Variants in CNTLN observed in about 807,000 individuals in gnomAD.
CNTLN encodes centlein, also known as centlein, centrosomal protein.
In CNTLN, 212 loss-of-function variants were observed where a neutral mutation model predicts 180.0. The ratio of observed to expected loss-of-function variants is 1.18; its 90% CI spans 1.05 to 1.32. The LOEUF (loss-of-function observed/expected upper bound fraction) is 1.32. Ranked by LOEUF, CNTLN falls within the 40% of genes most tolerant of loss-of-function variation. The pLI, the probability that CNTLN is intolerant of heterozygous loss-of-function variation, is 0.00. For synonymous variants in CNTLN, 722 were observed against 563.1 expected (o/e 1.28, Z -3.99); for missense variants, 2,095 against 1,610.9 (o/e 1.30, Z -5.14).
intron 2 of CNTLN, among the ~76,000 whole-genome samples, chr9:17,160,965 A>T (rs1819635932): frequency 6.6e-6 from 1 of 152,184 alleles, no homozygotes; most frequent in African/African-American, 2.4e-5. Flanking sequence ...CTCTGCATTT[A>T]GCTATTAAAG....
At chr9:17,463,049 G>C in intron 20 of CNTLN, 36 bp downstream of exon 20, 2 of 1,291,054 alleles carry the variant, frequency 1.5e-6, no homozygotes, top group Non-Finnish European at 2.2e-6. Flanking sequence ...TGTATTTGGT[G>C]CCACCTAGTG....
intron 2 of CNTLN, among the ~76,000 whole-genome samples, chr9:17,219,773 C>T (rs1437949481): frequency 1.3e-5 from 2 of 152,006 alleles, no homozygotes; most frequent in Non-Finnish European, 2.9e-5. Flanking sequence ...AAATAACAAA[C>T]ATTTATTCTC....
At position 17,457,745 on chromosome 9, in the gene CNTLN, C is replaced by T. The variant is rs532386350; in HGVS notation, c.3306+30C>T. On this transcript the variant is annotated intron_variant, in intron 19 of 25. Coordinates refer to ENST00000380647, the MANE Select transcript of CNTLN (RefSeq NM_017738.4). The stretch of plus-strand genomic sequence containing the variant: ...TTATAAAATTTATTAAGCATGAAAA[C>T]ATACATTATGCTTGAATCCTGCAAG... 6 of 1,287,598 alleles carry T rather than the reference C, an allele frequency of 4.7e-6. No individual in the cohort carries two copies. The South Asian group carries it at 9.5e-5, about 20-fold the overall frequency. The allele number at this position is 1,287,598 out of a possible 1,614,324, so 79.8% of individuals were successfully genotyped here.
chr9:17,365,953 C>T (rs1205494081), intron 12 of CNTLN, among the ~76,000 whole-genome samples: 1 of 152,002 alleles, frequency 6.6e-6, no homozygotes, highest in Non-Finnish European at 1.5e-5. Context: ...CTAAAAACAA[C>T]CAAGAAGTGG....
chr9:17,157,190 C>T (rs1819356753), intron 2 of CNTLN, among the ~76,000 whole-genome samples: 1 of 152,178 alleles, frequency 6.6e-6, no homozygotes, highest in African/African-American at 2.4e-5. Flanking sequence ...ACCATTTGGC[C>T]TGAATCCCCA....
intron 5 of CNTLN, among the ~76,000 whole-genome samples, chr9:17,270,168 C>G (rs976781833): frequency 6.6e-6 from 1 of 151,822 alleles, no homozygotes. Flanking sequence ...CCTAAAATCC[C>G]CAGGACAATT....
At chr9:17,135,974 GTACTTGTTTAT>G (rs1817688518) in intron 1 of CNTLN, among the ~76,000 whole-genome samples, 1 of 151,946 alleles carries the variant, frequency 6.6e-6, no homozygotes, top group Admixed American at 6.5e-5. Context: ...ATGATGCTTG[GTACTTGTTTAT>G]TAACCAGCTA....
downstream of CNTLN, among the ~76,000 whole-genome samples, chr9:17,506,198 A>G (rs1833929624): frequency 6.6e-6 from 1 of 152,152 alleles, no homozygotes; most frequent in Admixed American, 6.6e-5. Context: ...GAAAATCTTC[A>G]GGACCTCAGA....
intron 6 of CNTLN, among the ~76,000 whole-genome samples, chr9:17,280,988 A>T (rs1367157382): frequency 6.6e-6 from 1 of 152,204 alleles, no homozygotes; most frequent in East Asian, 1.9e-4. Context: ...AAGATGCATA[A>T]GACACATATT....
intron 12 of CNTLN, among the ~76,000 whole-genome samples, chr9:17,359,737 A>AAACAAAAAAAAAAACC (rs1564027314): frequency 2.5e-5 from 3 of 118,322 alleles, no homozygotes; most frequent in African/African-American, 8.9e-5. Flanking sequence ...AAAAAAAAAA[A>AAACAAAAAAAAAAACC]AAAAAAAAAA....
intron 13 of CNTLN, among the ~76,000 whole-genome samples, chr9:17,379,724 A>G (rs1825071069): frequency 1.3e-5 from 2 of 151,964 alleles, no homozygotes; most frequent in African/African-American, 4.8e-5. Context: ...AAATCCCAAA[A>G]CTTTTTCCAT....
chr9:17,345,841 G>A (rs1821840057), intron 12 of CNTLN, among the ~76,000 whole-genome samples: 1 of 152,068 alleles, frequency 6.6e-6, no homozygotes, highest in South Asian at 2.1e-4. Context: ...AAATATAATA[G>A]AGGTATTGTT....
intron 5 of CNTLN, among the ~76,000 whole-genome samples, chr9:17,253,760 TG>T (rs1219206135): frequency 8.9e-6 from 1 of 112,446 alleles, no homozygotes; most frequent in Non-Finnish European, 1.8e-5. Flanking sequence ...TCTTTTCTAT[TG>T]TTTTTTTTTT....
At chr9:17,136,430 C>A (rs1817721210) in intron 1 of CNTLN, among the ~76,000 whole-genome samples, 1 of 152,152 alleles carries the variant, frequency 6.6e-6, no homozygotes, top group African/African-American at 2.4e-5. Context: ...CCCGGGTTCA[C>A]GCCATTCTCC....
At chr9:17,405,187 T>G (rs1305343249) in intron 15 of CNTLN, among the ~76,000 whole-genome samples, 1 of 151,740 alleles carries the variant, frequency 6.6e-6, no homozygotes, top group African/African-American at 2.4e-5. Context: ...CTTTATTTTC[T>G]TCTTCTCACT....
chr9:17,369,730 T>C (rs1382627618), intron 13 of CNTLN, among the ~76,000 whole-genome samples: 1 of 151,752 alleles, frequency 6.6e-6, no homozygotes, highest in Non-Finnish European at 1.5e-5. Flanking sequence ...CTCATGCCTG[T>C]AATCCCAGCA....
rs117873595 is a variant in CNTLN at position 17,330,494 on chromosome 9, A to G, written c.1342-138A>G. The stretch of plus-strand genomic sequence containing the variant: ...GGAATGAAAAGGTTCAGCTCCTGCT[A>G]GTTTATTATTAAAAGGAAAATTTCC... On this transcript the variant is annotated intron_variant, in intron 8 of 25. Coordinates refer to ENST00000380647, the MANE Select transcript of CNTLN (RefSeq NM_017738.4). 5.9e-3 allele frequency: 2,719 copies of G among 462,964 alleles called. 13 individuals carry two copies. Among genetic ancestry groups the G allele is most frequent in the Admixed American group, 8.7e-3 (209 of 23,890 alleles). The allele number at this position is 462,964 out of a possible 1,614,324, so 28.7% of individuals were successfully genotyped here.
chr9:17,217,361 A>G (rs1399046094), intron 2 of CNTLN, among the ~76,000 whole-genome samples: 1 of 152,264 alleles, frequency 6.6e-6, no homozygotes, highest in African/African-American at 2.4e-5. Flanking sequence ...GGAAGAAAGT[A>G]TTATGCAGCT....
At chr9:17,286,917 G>A in intron 6 of CNTLN, among the ~76,000 whole-genome samples, 1 of 135,492 alleles carries the variant, frequency 7.4e-6, no homozygotes, top group Non-Finnish European at 1.5e-5. Flanking sequence ...CTGAAACAAT[G>A]GGGTTTTCTA....
Sources: gnomAD v4.1 joint callset for allele counts (sites outside exome capture counted in the v4.1 genomes callset) on GRCh38, gnomAD v4.1.1 for gene constraint, MANE v1.5 for transcripts, NCBI Gene and HGNC (gene_info 2026-07-23, HGNC 2026-07-21) for gene names.